The following LRRTM4 variants were observed in gnomAD, a reference collection of about 807,000 sequenced individuals.
The protein encoded by LRRTM4 is leucine-rich repeat transmembrane neuronal protein 4.
Under a neutral mutation model 47.6 loss-of-function variants are expected in LRRTM4, and 25 were observed. The observed-to-expected ratio is 0.53, with a 90% confidence interval of 0.38 to 0.73. The LOEUF is 0.73. Ranked by LOEUF, LRRTM4 falls within the 30% of genes least tolerant of loss-of-function variation. The probability of loss-of-function intolerance (pLI) is 0.00; values close to 1 mark genes in which losing one functional copy is unlikely to be tolerated. For synonymous variants in LRRTM4, 311 were observed against 269.5 expected (o/e 1.15, Z -1.51); for missense variants, 638 against 713.4 (o/e 0.89, Z 1.20).
At chr2:76,972,359 C>T (rs928551779) in intron 3 of LRRTM4, among the ~76,000 whole-genome samples, 3 of 151,196 alleles carry the variant, frequency 2.0e-5, no homozygotes, top group African/African-American at 4.9e-5. Flanking sequence ...AGTCACCTGT[C>T]ACTCTCTGCC....
chr2:77,032,221 C>T (rs936480400), intron 3 of LRRTM4, among the ~76,000 whole-genome samples: 1 of 152,164 alleles, frequency 6.6e-6, no homozygotes, highest in Non-Finnish European at 1.5e-5. Flanking sequence ...CCATTCCCTT[C>T]TTCTGAAGCA....
At position 77,116,911 on chromosome 2, in the gene LRRTM4, A is replaced by G. The variant is rs144584813; in HGVS notation, c.1552-367995T>C. Reference sequence around the variant, plus strand: ...AATCAATATCAATCACTTTAAGCATATTCTTGACATGAACATAAACTGTTA... The same window carrying G: ...AATCAATATCAATCACTTTAAGCATGTTCTTGACATGAACATAAACTGTTA... On this transcript the variant is annotated intron_variant, in intron 3 of 3. Transcript: ENST00000409884. Among the ~76,000 whole-genome samples the G allele has an allele frequency of 1.2e-3, 181 of 152,142 alleles. 1 individual carries two copies. The highest frequency in any genetic ancestry group is 4.2e-3 in the African/African-American group (174 of 41,534).
chr2:77,133,541 A>T (rs2103981192), intron 3 of LRRTM4, among the ~76,000 whole-genome samples: 1 of 152,336 alleles, frequency 6.6e-6, no homozygotes, highest in African/African-American at 2.4e-5. Flanking sequence ...ATAATTGAAT[A>T]AGATACCATT....
rs557946487 is a variant in LRRTM4, at chr2:77,522,180, T to C, written c.-219A>G. Reference sequence around the variant, plus strand: ...ATTCATCCTCTGGATTTTCAGTTCTTGAAGCAAGTAGGCCTCCTGTGCTGT... The same window carrying C: ...ATTCATCCTCTGGATTTTCAGTTCTCGAAGCAAGTAGGCCTCCTGTGCTGT... On this transcript the variant is annotated 5_prime_UTR_variant, in exon 1 of 4. Coordinates refer to ENST00000409884, the MANE Select transcript of LRRTM4 (RefSeq NM_001134745.3). 1.5e-5 allele frequency: 11 copies of C among 713,580 alleles called. No individual in the cohort carries two copies. The highest frequency in any genetic ancestry group is 2.9e-5 in the Non-Finnish European group (11 of 382,884). The allele number at this position is 713,580 out of a possible 1,614,324, so 44.2% of individuals were successfully genotyped here.
Position 77,522,332 on chromosome 2 carries a change from A to T in LRRTM4, c.-371T>A, listed in dbSNP as rs576429518. On this transcript the variant is annotated 5_prime_UTR_variant, in exon 1 of 4. Transcript: ENST00000409884. The stretch of plus-strand genomic sequence containing the variant: ...TCAGAAGGCTTTCCAGAGACTGATG[A>T]TGCTCAGAGCTTGTTGGTGCTAATG... 15 of 503,050 alleles carry T rather than the reference A, an allele frequency of 3.0e-5. No individual in the cohort carries two copies. Among genetic ancestry groups the T allele is most frequent in the Non-Finnish European group, 4.9e-5 (14 of 283,074 alleles). The allele number at this position is 503,050 out of a possible 1,614,324, so 31.2% of individuals were successfully genotyped here.
intron 3 of LRRTM4, among the ~76,000 whole-genome samples, chr2:77,485,422 G>C (rs910037499): frequency 6.6e-6 from 1 of 152,072 alleles, no homozygotes; most frequent in Non-Finnish European, 1.5e-5. Flanking sequence ...AGAAAACAAT[G>C]AACAAAGACC....
chr2:76,781,163 A>T (rs976084109), intron 3 of LRRTM4, among the ~76,000 whole-genome samples: 28 of 152,256 alleles, frequency 1.8e-4, no homozygotes, highest in Admixed American at 8.5e-4. Context: ...CAAAGCTGTC[A>T]GACAGGGACA....
At chr2:77,249,307 G>A (rs11886654) in intron 3 of LRRTM4, among the ~76,000 whole-genome samples, 7,516 of 151,906 alleles carry the variant, frequency 0.049, 628 homozygotes, top group African/African-American at 0.17. Flanking sequence ...CCGATATTAC[G>A]CCATTACACT....
intron 3 of LRRTM4, among the ~76,000 whole-genome samples, chr2:77,397,098 C>A (rs980839628): frequency 5.9e-5 from 9 of 151,832 alleles, no homozygotes; most frequent in African/African-American, 1.9e-4. Flanking sequence ...ACAATTTCAA[C>A]AGAATTTTGT....
At chr2:76,967,917 G>T (rs76630892) in intron 3 of LRRTM4, among the ~76,000 whole-genome samples, 1,638 of 147,608 alleles carry the variant, frequency 0.011, 46 homozygotes, top group African/African-American at 0.041. Flanking sequence ...TGTCTTACTT[G>T]TGCCTCTGTT....
At chr2:77,023,586 T>A (rs1678349182) in intron 3 of LRRTM4, among the ~76,000 whole-genome samples, 1 of 152,246 alleles carries the variant, frequency 6.6e-6, no homozygotes, top group Non-Finnish European at 1.5e-5. Context: ...CCAGGTACCC[T>A]GAATCATCTC....
At chr2:77,058,753 T>G (rs547096062) in intron 3 of LRRTM4, among the ~76,000 whole-genome samples, 1 of 152,214 alleles carries the variant, frequency 6.6e-6, no homozygotes, top group Non-Finnish European at 1.5e-5. Flanking sequence ...GCTAGAATTA[T>G]GTTTTCTTGT....
At chr2:76,956,361 A>G (rs921385642) in intron 3 of LRRTM4, among the ~76,000 whole-genome samples, 2 of 151,742 alleles carry the variant, frequency 1.3e-5, no homozygotes, top group African/African-American at 2.4e-5. Flanking sequence ...AAGAAGGGAA[A>G]GGTAAGGGGA....
chr2:77,318,887 T>C (rs1677699188), intron 3 of LRRTM4, among the ~76,000 whole-genome samples: 3 of 91,488 alleles, frequency 3.3e-5, no homozygotes, highest in Admixed American at 9.6e-5. Context: ...ACTTGCTCTT[T>C]TTTTTTTATC....
intron 3 of LRRTM4, among the ~76,000 whole-genome samples, chr2:76,764,600 C>T (rs1478012218): frequency 6.6e-6 from 1 of 152,092 alleles, no homozygotes; most frequent in Non-Finnish European, 1.5e-5. Flanking sequence ...TACTACACTC[C>T]AGCCTGGGCG....
chr2:77,010,223 G>A (rs547800252), intron 3 of LRRTM4, among the ~76,000 whole-genome samples: 9 of 151,856 alleles, frequency 5.9e-5, no homozygotes, highest in South Asian at 2.1e-4. Context: ...ATGTGCAATC[G>A]TTTTTTGGAA....
At chr2:77,432,748 C>T (rs1346736041) in intron 3 of LRRTM4, among the ~76,000 whole-genome samples, 1 of 152,166 alleles carries the variant, frequency 6.6e-6, no homozygotes, top group Non-Finnish European at 1.5e-5. Context: ...TATAGGCATA[C>T]ACAAACACCC....
At chr2:77,044,064 A>C (rs1679129326) in intron 3 of LRRTM4, among the ~76,000 whole-genome samples, 1 of 151,662 alleles carries the variant, frequency 6.6e-6, no homozygotes, top group South Asian at 2.1e-4. Flanking sequence ...CTTCCAAATA[A>C]AAATAAATAA....
At chr2:77,167,442 C>T (rs1172803499) in intron 3 of LRRTM4, among the ~76,000 whole-genome samples, 1 of 152,112 alleles carries the variant, frequency 6.6e-6, no homozygotes, top group African/African-American at 2.4e-5. Context: ...CCCAGCCATC[C>T]CATTACTGGG....
Sources: gnomAD v4.1 joint callset for allele counts (sites outside exome capture counted in the v4.1 genomes callset) on GRCh38, gnomAD v4.1.1 for gene constraint, MANE v1.5 for transcripts, NCBI Gene and HGNC (gene_info 2026-07-23, HGNC 2026-07-21) for gene names.